Variants in ZNF827 observed in about 807,000 individuals in gnomAD.
The protein encoded by ZNF827 is zinc finger protein 827.
In ZNF827, 13 loss-of-function variants were observed where a neutral mutation model predicts 102.4. That is an observed-to-expected ratio of 0.13 (90% CI 0.08 to 0.20). The LOEUF (loss-of-function observed/expected upper bound fraction) is 0.20. Among genes scored for constraint, ZNF827 ranks in the 10% least tolerant of loss-of-function variants. The pLI, the probability that ZNF827 is intolerant of heterozygous loss-of-function variation, is 1.00. For synonymous variants in ZNF827, 523 were observed against 536.2 expected, an observed-to-expected ratio of 0.98 and a Z score of 0.34; for missense variants, 1,103 against 1,344.4, an observed-to-expected ratio of 0.82 and a Z score of 2.81.
rs755179198 is a variant in ZNF827 at position 145,902,644 on chromosome 4, G to C, written c.615C>G (p.Ser205Arg). The change falls in exon 2 of 15, where the codon AGC becomes AGG. Residue 205 changes from serine to arginine, a missense_variant. Physicochemically the swap from Ser to Arg is moderately radical, Grantham distance 110 (BLOSUM62 -1). Coordinates refer to ENST00000508784, the MANE Select transcript of ZNF827 (RefSeq NM_001306215.2). This position sits in a 1 kb window ranked among gnomAD's most constrained non-coding sequence, Gnocchi z 4.3. Reference sequence around the variant, plus strand: ...TTAGGATGGCTGAATCCGGAGACAAGCTGCAGGTGGTGGTTGAGTTTGGCA... The same window carrying C: ...TTAGGATGGCTGAATCCGGAGACAACCTGCAGGTGGTGGTTGAGTTTGGCA... ...KWLPNSTTTC[S>R]LSPDSAILKL... 4 of 1,614,050 alleles carry C rather than the reference G, an allele frequency of 2.5e-6. No individual in the cohort carries two copies. In the Admixed American group the frequency reaches 6.7e-5, roughly 27 times the overall value.
At chr4:145,914,332 C>T (rs915166855) in intron 1 of ZNF827, among the ~76,000 whole-genome samples, 1 of 152,124 alleles carries the variant, frequency 6.6e-6, no homozygotes, top group South Asian at 2.1e-4. Flanking sequence ...CTAACGCGCC[C>T]CCTGCAACCC....
chr4:145,776,103 G>T (rs1737043847), intron 9 of ZNF827, 143 bp from the exon 10 acceptor site: 3 of 920,232 alleles, frequency 3.3e-6, no homozygotes, highest in Admixed American at 2.5e-5. Context: ...CCTAGGAATT[G>T]TAAGTATCTA....
At chr4:145,884,943 G>T (rs892903515) in intron 4 of ZNF827, among the ~76,000 whole-genome samples, 1 of 151,992 alleles carries the variant, frequency 6.6e-6, no homozygotes, top group African/African-American at 2.4e-5. Flanking sequence ...TGGCCTCCAG[G>T]GCCTGTGGGG....
At chr4:145,891,691 C>G (rs67613802) in intron 3 of ZNF827, among the ~76,000 whole-genome samples, 23,866 of 152,198 alleles carry the variant, frequency 0.16, 2,653 homozygotes, top group East Asian at 0.42. Flanking sequence ...AGAAAGGGCC[C>G]CCAAGCCTCC....
chr4:145,843,143 C>T (rs1745584969), intron 7 of ZNF827, among the ~76,000 whole-genome samples: 1 of 151,410 alleles, frequency 6.6e-6, no homozygotes. Flanking sequence ...TTATTCTATT[C>T]CACCTGAAGT....
At chr4:145,832,301 C>CCACA (rs58517710) in intron 7 of ZNF827, 19,630 of 147,736 alleles carry the variant, frequency 0.13, 2,135 homozygotes, top group East Asian at 0.51. Flanking sequence ...CAAAACAAAA[C>CCACA]CACACACACA....
intron 6 of ZNF827, among the ~76,000 whole-genome samples, chr4:145,847,319 C>T (rs1167221317): frequency 6.6e-6 from 1 of 152,296 alleles, no homozygotes; most frequent in East Asian, 1.9e-4. Context: ...GTTATTTCCA[C>T]TGTATCTTTC....
chr4:145,796,449 G>A (rs960482997), intron 8 of ZNF827, among the ~76,000 whole-genome samples: 1 of 152,036 alleles, frequency 6.6e-6, no homozygotes, highest in African/African-American at 2.4e-5. Flanking sequence ...ACCTTATCTG[G>A]TCACTTGCAA....
intron 1 of ZNF827, among the ~76,000 whole-genome samples, chr4:145,927,088 G>GA (rs1296255292): frequency 6.6e-6 from 1 of 152,130 alleles, no homozygotes; most frequent in African/African-American, 2.4e-5. Flanking sequence ...ACGTTTCCTG[G>GA]AGCGTAGGGT....
At chr4:145,848,946 A>ACTG (rs1746250031) in intron 6 of ZNF827, among the ~76,000 whole-genome samples, 9 of 152,192 alleles carry the variant, frequency 5.9e-5, no homozygotes, top group African/African-American at 1.9e-4. Flanking sequence ...AGTCATAGTA[A>ACTG]TTCAGTCACT....
At chr4:145,856,391 G>T (rs1235214764) in intron 5 of ZNF827, among the ~76,000 whole-genome samples, 3 of 152,084 alleles carry the variant, frequency 2.0e-5, no homozygotes, top group African/African-American at 7.2e-5. Flanking sequence ...CTACAGTGTG[G>T]CCCTTGGTGG....
chr4:145,902,310 G>C lies in ZNF827; in HGVS notation c.949C>G (p.Pro317Ala), dbSNP rs751319582. ...TCTGGTTTCTTCTCTGAAGGCGGGG[G>C]CGGTAGAGGGTCCTCAGGCAGCAGC... is the stretch of plus-strand genomic sequence containing the variant. ...SSLLPEDPLP[P>A]PPSEKKPEKV... The change falls in exon 2 of 15, where the codon CCC becomes GCC. Residue 317 changes from proline to alanine, a missense_variant. Physicochemically the swap from Pro to Ala is conservative, Grantham distance 27 (BLOSUM62 -1). Coordinates refer to ENST00000508784, the MANE Select transcript of ZNF827 (RefSeq NM_001306215.2). The surrounding 1 kb of genome is among the most constrained non-coding windows in gnomAD (Gnocchi z 4.3). The C allele has an allele frequency of 9.4e-6, 15 of 1,599,424 alleles. No homozygotes were observed. Among genetic ancestry groups the C allele is most frequent in the Non-Finnish European group, 1.1e-5 (13 of 1,173,156 alleles).
At chr4:145,928,315 A>C (rs1051165427) in intron 1 of ZNF827, among the ~76,000 whole-genome samples, 1 of 152,190 alleles carries the variant, frequency 6.6e-6, no homozygotes, top group African/African-American at 2.4e-5. Flanking sequence ...GGTCAATTCA[A>C]CTTAAATCTC....
At chr4:145,823,603 T>C in intron 7 of ZNF827, 78 bp from the exon 8 acceptor site, 2 of 907,808 alleles carry the variant, frequency 2.2e-6, no homozygotes, top group South Asian at 1.3e-5. Context: ...CCCAAATACA[T>C]ATATACGCAA....
chr4:145,799,640 C>A (rs1028585674), intron 8 of ZNF827, among the ~76,000 whole-genome samples: 1 of 152,202 alleles, frequency 6.6e-6, no homozygotes, highest in African/African-American at 2.4e-5. Context: ...AATAAAGGAA[C>A]CCCCCGAGTT....
intron 4 of ZNF827, among the ~76,000 whole-genome samples, chr4:145,870,939 G>A (rs1748630219): frequency 6.6e-6 from 1 of 152,128 alleles, no homozygotes; most frequent in East Asian, 1.9e-4. Flanking sequence ...TGAGGATGGA[G>A]AATTTGCCAA....
At chr4:145,846,148 TC>T in intron 6 of ZNF827, 135 bp from the exon 7 acceptor site, 1 of 799,906 alleles carries the variant, frequency 1.3e-6, no homozygotes, top group Non-Finnish European at 2.0e-6. Context: ...TTTTTAAACA[TC>T]CAGATCCTCC....
Position 145,886,037 on chromosome 4 carries a change from G to A in ZNF827, c.1388C>T (p.Ala463Val), listed in dbSNP as rs1750091148. The A allele has an allele frequency of 2.5e-6, 4 of 1,614,178 alleles. No individual in the cohort carries two copies. In the East Asian group the frequency reaches 8.9e-5, roughly 36 times the overall value. Residue 463 changes from alanine to valine, a missense_variant, in exon 4 of 15, where the codon GCC becomes GTC. Coordinates refer to ENST00000508784, the MANE Select transcript of ZNF827 (RefSeq NM_001306215.2). ...RCHQHFLRTEAKVKEEIPDPD... is the reference protein window; with the variant it reads ...RCHQHFLRTEVKVKEEIPDPD... ...GTCTGGGATCTCCTCCTTCACCTTG[G>A]CTTCTGTCCTCAGGAAGTGCTGATG...
intron 1 of ZNF827, among the ~76,000 whole-genome samples, chr4:145,909,875 C>G (rs1369595571): frequency 6.6e-6 from 1 of 152,152 alleles, no homozygotes; most frequent in Non-Finnish European, 1.5e-5. Context: ...CTTCAAGGCT[C>G]CAAGTCCACA....
Sources: gnomAD v4.1 joint callset for allele counts (sites outside exome capture counted in the v4.1 genomes callset) on GRCh38, gnomAD v4.1.1 for gene constraint, Gnocchi (gnomAD v3.1) non-coding constraint, MANE v1.5 for transcripts, NCBI Gene and HGNC (gene_info 2026-07-23, HGNC 2026-07-21) for gene names.